The following CPM variants were observed in gnomAD, a reference collection of about 807,000 sequenced individuals.
The protein encoded by CPM is renal carboxypeptidase.
In CPM, 35 loss-of-function variants were observed where a neutral mutation model predicts 46.4. That is an observed-to-expected ratio of 0.75 (90% CI 0.58 to 1.00). The LOEUF (loss-of-function observed/expected upper bound fraction) is 1.00. CPM is among the 50% of genes least tolerant of loss of function. The pLI, the probability that CPM is intolerant of heterozygous loss-of-function variation, is 0.00. For missense variants in CPM, 422 were observed against 530.4 expected (o/e 0.80, Z 2.01); for synonymous variants, 195 against 195.3 (o/e 1.00, Z 0.01).
intron 7 of CPM, among the ~76,000 whole-genome samples, chr12:68,866,669 T>C (rs1885463369): frequency 6.6e-6 from 1 of 152,186 alleles, no homozygotes; most frequent in Non-Finnish European, 1.5e-5. Context: ...TATACCCTCA[T>C]ATTAAAGGAA....
chr12:68,849,401 T>C (rs1884551599), downstream of CPM: 1 of 137,446 alleles, frequency 7.3e-6, no homozygotes, highest in Admixed American at 7.2e-5. Context: ...TTTTTTTTTT[T>C]GTTGTTGTTG....
intron 3 of CPM, among the ~76,000 whole-genome samples, chr12:68,880,994 C>T (rs1003120383): frequency 7.2e-5 from 11 of 152,086 alleles, no homozygotes; most frequent in Non-Finnish European, 1.3e-4. Flanking sequence ...TAAGAGAATA[C>T]GTGAAATTCA....
intron 3 of CPM, among the ~76,000 whole-genome samples, chr12:68,882,023 G>GAT (rs1886211371): frequency 2.3e-5 from 1 of 43,296 alleles, no homozygotes; most frequent in Non-Finnish European, 5.0e-5. Flanking sequence ...CGCCCGGCCT[G>GAT]CTTTTTTTTT....
At chr12:68,927,915 G>C (rs1284581341) in intron 2 of CPM, among the ~76,000 whole-genome samples, 4 of 152,164 alleles carry the variant, frequency 2.6e-5, no homozygotes, top group Non-Finnish European at 5.9e-5. Context: ...TGGGTAGGAA[G>C]AATCAATATC....
At chr12:68,952,986 G>C (rs1888958626) in intron 1 of CPM, among the ~76,000 whole-genome samples, 1 of 152,160 alleles carries the variant, frequency 6.6e-6, no homozygotes, top group African/African-American at 2.4e-5. Flanking sequence ...AAGGGTGAAT[G>C]GTAGGATATT....
chr12:68,861,540 G>A (rs866461043), intron 7 of CPM, among the ~76,000 whole-genome samples: 1 of 145,896 alleles, frequency 6.9e-6, no homozygotes, highest in Non-Finnish European at 1.5e-5. Flanking sequence ...ACAATTTTTT[G>A]TTTTTTTTTT....
At chr12:68,892,047 G>A (rs373814882) in intron 2 of CPM, among the ~76,000 whole-genome samples, 4 of 151,962 alleles carry the variant, frequency 2.6e-5, no homozygotes, top group South Asian at 2.1e-4. Context: ...GGAAATCTAC[G>A]TTTTAATAAG....
At chr12:68,945,468 G>T (rs1307070587) in intron 1 of CPM, among the ~76,000 whole-genome samples, 4 of 152,166 alleles carry the variant, frequency 2.6e-5, no homozygotes, top group Admixed American at 2.6e-4. Flanking sequence ...TGGGGAGATG[G>T]GAAAAGGCTG....
intron 5 of CPM, chr12:68,846,102 C>G (rs1884276168): frequency 6.6e-6 from 1 of 152,132 alleles, no homozygotes; most frequent in African/African-American, 2.4e-5. Context: ...AGGTGCTCGC[C>G]AACCACACCT....
intron 2 of CPM, among the ~76,000 whole-genome samples, chr12:68,890,166 GT>G (rs1328438833): frequency 6.6e-6 from 1 of 152,136 alleles, no homozygotes; most frequent in African/African-American, 2.4e-5. Flanking sequence ...GATCCCAGGA[GT>G]TTGAGGTTAC....
In CPM at chr12:68,871,952, A is replaced by G; in HGVS notation, c.263T>C (p.Val88Ala). Reference sequence around the variant, plus strand: ...CAGATGGAGCAGCAGCTCCCGCCCAACAGTCTATATGTGTTAAAGAGAAAA... The same window carrying G: ...CAGATGGAGCAGCAGCTCCCGCCCAGCAGTCTATATGTGTTAAAGAGAAAA... ...YVANMHGDET[V>A]GRELLLHLID... The change falls in exon 4 of 9, where the codon GTT (valine) becomes GCT (alanine). Residue 88 changes from valine to alanine, a missense_variant. Transcript: ENST00000551568. 1 of 1,614,122 alleles carries G rather than the reference A, an allele frequency of 6.2e-7. No homozygotes were observed.
intron 1 of CPM, among the ~76,000 whole-genome samples, chr12:68,959,723 GTT>G (rs746537221): frequency 6.6e-5 from 10 of 152,224 alleles, no homozygotes; most frequent in Non-Finnish European, 1.2e-4. Flanking sequence ...CTAGCATCGT[GTT>G]AGTTGCCTTA....
At chr12:68,872,228 TAA>T (rs1565773326) in intron 3 of CPM, among the ~76,000 whole-genome samples, 1 of 146,008 alleles carries the variant, frequency 6.8e-6, no homozygotes, top group African/African-American at 2.7e-5. Context: ...TAGAGTGGAA[TAA>T]TGCTGCTGCT....
intron 3 of CPM, among the ~76,000 whole-genome samples, chr12:68,883,499 C>T (rs997839551): frequency 2.0e-5 from 3 of 152,246 alleles, no homozygotes; most frequent in East Asian, 3.9e-4. Flanking sequence ...TTCAGATTCC[C>T]ACCCCAAAAT....
chr12:68,864,130 G>A (rs1885327199), intron 7 of CPM, among the ~76,000 whole-genome samples: 1 of 152,178 alleles, frequency 6.6e-6, no homozygotes, highest in Non-Finnish European at 1.5e-5. Context: ...GAGACAGGCA[G>A]ATACACATTC....
At chr12:68,882,929 T>C (rs896043426) in intron 3 of CPM, among the ~76,000 whole-genome samples, 1 of 152,120 alleles carries the variant, frequency 6.6e-6, no homozygotes, top group African/African-American at 2.4e-5. Flanking sequence ...TGGGGGAAAA[T>C]GGCAGGTGTA....
In CPM at chr12:68,918,823, T is replaced by C. The variant is rs549039291; in HGVS notation, c.160+13855A>G. 2.8e-4 allele frequency among the ~76,000 whole-genome samples: 43 copies of C among 152,332 alleles called. 1 individual carries two copies. The South Asian group carries it at 8.3e-3, about 29-fold the overall frequency. On this transcript the variant is annotated intron_variant, in intron 2 of 8. Transcript: ENST00000551568. ...CTGCTTCTATTCTGGCCATTTTCTG[T>C]ATTCAGCAGCTAAAGTTATCTTTCT...
chr12:68,869,216 G>GGGCC lies in CPM; in HGVS notation c.787+105_787+108dup, dbSNP rs1402773448. ...TATTAGCTGATAAGGACAGAGTGAAGGGCCTATTGTGCCTAAAGTTCTTTT... is the reference window on the plus strand; with the variant it reads ...TATTAGCTGATAAGGACAGAGTGAAGGGCCGGCCTATTGTGCCTAAAGTTCTTTT... On this transcript the variant is annotated intron_variant, in intron 6 of 8. Coordinates refer to ENST00000551568, the MANE Select transcript of CPM (RefSeq NM_198320.5). 13 of 846,830 alleles carry GGGCC rather than the reference G, an allele frequency of 1.5e-5. No individual in the cohort carries two copies. The African/African-American group carries it at 2.2e-4, about 15-fold the overall frequency. The allele number at this position is 846,830 out of a possible 1,614,324, so 52.5% of individuals were successfully genotyped here. A position where few individuals can be genotyped will look rare whatever the true frequency, so the allele number is the denominator to read the frequency against.
rs114190680 is a variant in CPM at position 68,869,872 on chromosome 12, A to G, written c.616+343T>C. On this transcript the variant is annotated intron_variant, in intron 5 of 8. Transcript: ENST00000551568. ...AAGAGTCAACAATTATTGTTCATATATGATTAGCAAAAAAAAAAGTGAGTT... is the reference window on the plus strand; with the variant it reads ...AAGAGTCAACAATTATTGTTCATATGTGATTAGCAAAAAAAAAAGTGAGTT... 3.1e-3 allele frequency among the ~76,000 whole-genome samples: 344 copies of G among 109,322 alleles called. 3 individuals are homozygous for G. Among genetic ancestry groups the G allele is most frequent in the African/African-American group, 0.012 (326 of 26,706 alleles). The allele number at this position is 109,322 out of a possible 152,430, so 71.7% of individuals were successfully genotyped here.
Sources: allele counts gnomAD v4.1 joint callset (sites outside exome capture counted in the v4.1 genomes callset), GRCh38; gene constraint gnomAD v4.1.1; transcripts MANE v1.5; gene names NCBI Gene and HGNC (gene_info 2026-07-23, HGNC 2026-07-21).